SBF2: variants seen among roughly 807,000 people sequenced by gnomAD.
SBF2 encodes SET binding factor 2.
SBF2 carries 112 observed loss-of-function variants against 225.2 expected under a neutral mutation model. That is an observed-to-expected ratio of 0.50 (90% CI 0.43 to 0.58). SBF2 has a LOEUF of 0.58. SBF2 is among the 20% of genes least tolerant of loss of function. The pLI, the probability that SBF2 is intolerant of heterozygous loss-of-function variation, is 0.00. For missense variants in SBF2, 1,996 were observed against 2,206.2 expected (o/e 0.90, Z 1.91); for synonymous variants, 763 against 773.3 (o/e 0.99, Z 0.22).
At chr11:10,159,193 T>C (rs1282558118) in intron 2 of SBF2, among the ~76,000 whole-genome samples, 2 of 152,202 alleles carry the variant, frequency 1.3e-5, no homozygotes, top group Admixed American at 6.5e-5. Flanking sequence ...TCCTTGTTTG[T>C]TCCTTGGCGT....
chr11:9,892,065 T>G (rs979557441), intron 17 of SBF2, among the ~76,000 whole-genome samples: 1 of 152,216 alleles, frequency 6.6e-6, no homozygotes, highest in African/African-American at 2.4e-5. Flanking sequence ...AATCAAGGTG[T>G]GAAAATAGAG....
intron 6 of SBF2, among the ~76,000 whole-genome samples, chr11:10,004,001 T>G (rs1948083717): frequency 6.6e-6 from 1 of 152,220 alleles, no homozygotes; most frequent in South Asian, 2.1e-4. Context: ...CATGCAAATT[T>G]CCTTAGTCTA....
chr11:10,078,463 G>A (rs1177266996), intron 2 of SBF2, among the ~76,000 whole-genome samples: 4 of 152,166 alleles, frequency 2.6e-5, no homozygotes, highest in African/African-American at 4.8e-5. Context: ...AAAAGGATGA[G>A]TTCATGTCCT....
chr11:9,928,073 C>T (rs1864193009), intron 16 of SBF2, among the ~76,000 whole-genome samples: 1 of 151,888 alleles, frequency 6.6e-6, no homozygotes, highest in African/African-American at 2.4e-5. Context: ...GATATGATAC[C>T]AAGTGCATAT....
intron 7 of SBF2, 135 bp from the exon 8 acceptor site, chr11:10,001,157 C>A (rs1290788056): frequency 4.9e-6 from 3 of 615,728 alleles, no homozygotes; most frequent in African/African-American, 3.7e-5. Context: ...CTTTTTAATA[C>A]TAAAATTTTG....
rs146093363 is a variant in SBF2, at chr11:10,147,513, G to A, written c.141+46389C>T. ...TGTTCTCACTTTGAGGGAGCTAAACGATGAGAACCTATGGGCAAAAAGAGG... is the reference window on the plus strand; with the variant it reads ...TGTTCTCACTTTGAGGGAGCTAAACAATGAGAACCTATGGGCAAAAAGAGG... On this transcript the variant is annotated intron_variant, in intron 2 of 39. Transcript: ENST00000256190. Among the ~76,000 whole-genome samples, 7 of 152,120 alleles carry A rather than the reference G, an allele frequency of 4.6e-5. No homozygotes were observed. In the East Asian group the frequency reaches 1.2e-3, roughly 25 times the overall value.
chr11:10,130,931 A>G (rs1477229269), intron 2 of SBF2, among the ~76,000 whole-genome samples: 1 of 151,866 alleles, frequency 6.6e-6, no homozygotes, highest in Non-Finnish European at 1.5e-5. Flanking sequence ...CAGTTTAATC[A>G]CTCCTACTAT....
At chr11:9,923,058 T>C (rs1196380125) in intron 16 of SBF2, among the ~76,000 whole-genome samples, 1 of 152,184 alleles carries the variant, frequency 6.6e-6, no homozygotes, top group African/African-American at 2.4e-5. Flanking sequence ...GACAGAGTAC[T>C]GAAGCAAGTC....
chr11:9,841,530 G>A (rs1173215807), intron 25 of SBF2, among the ~76,000 whole-genome samples: 1 of 81,430 alleles, frequency 1.2e-5, no homozygotes, highest in African/African-American at 4.3e-5. Flanking sequence ...AAACCACATA[G>A]GTTCTTTTTT....
chr11:10,226,899 C>T (rs573626333), intron 1 of SBF2, among the ~76,000 whole-genome samples: 26 of 152,200 alleles, frequency 1.7e-4, no homozygotes, highest in African/African-American at 5.3e-4. Context: ...CCTGAGGAAT[C>T]GCTGACTTCC....
chr11:9,830,546 C>G (rs1203410597), intron 27 of SBF2, among the ~76,000 whole-genome samples: 1 of 151,956 alleles, frequency 6.6e-6, no homozygotes, highest in African/African-American at 2.4e-5. Context: ...TCGAGACCAG[C>G]CTGACTAACA....
chr11:9,983,331 G>C (rs1304419825), intron 13 of SBF2, among the ~76,000 whole-genome samples: 1 of 152,078 alleles, frequency 6.6e-6, no homozygotes, highest in Non-Finnish European at 1.5e-5. Flanking sequence ...CTGACAACTT[G>C]CATGACTCAG....
chr11:10,071,586 G>A (rs1004303550), intron 2 of SBF2, among the ~76,000 whole-genome samples: 6 of 152,112 alleles, frequency 3.9e-5, no homozygotes, highest in African/African-American at 1.4e-4. Flanking sequence ...TTTTCAAAGG[G>A]AATGCTTCCA....
chr11:9,999,661 A>C (rs1211761603), intron 8 of SBF2, among the ~76,000 whole-genome samples: 1 of 152,182 alleles, frequency 6.6e-6, no homozygotes, highest in Non-Finnish European at 1.5e-5. Flanking sequence ...AAAATTATGT[A>C]CAAACCAGGT....
intron 2 of SBF2, among the ~76,000 whole-genome samples, chr11:10,054,145 A>G (rs912982512): frequency 2.0e-5 from 3 of 152,202 alleles, no homozygotes; most frequent in African/African-American, 7.2e-5. Flanking sequence ...TGGGTCACCT[A>G]TATTGCTTTT....
chr11:10,021,627 G>A (rs1344001696), intron 6 of SBF2, among the ~76,000 whole-genome samples: 1 of 152,004 alleles, frequency 6.6e-6, no homozygotes, highest in Admixed American at 6.6e-5. Flanking sequence ...ACAATTCTTA[G>A]AGAGAAGAAC....
intron 14 of SBF2, among the ~76,000 whole-genome samples, chr11:9,967,436 T>C (rs977520331): frequency 2.0e-5 from 3 of 151,658 alleles, no homozygotes; most frequent in Non-Finnish European, 2.9e-5. Context: ...ATTGGAAATA[T>C]TATGCTAAAT....
chr11:10,294,742 C>T (rs531195226), upstream of SBF2, among the ~76,000 whole-genome samples: 89 of 152,354 alleles, frequency 5.8e-4, no homozygotes, highest in African/African-American at 2.1e-3. Context: ...CCTCGGGTTT[C>T]AATGCCGGGT....
At chr11:10,102,650 A>G (rs1952359271) in intron 2 of SBF2, among the ~76,000 whole-genome samples, 1 of 152,146 alleles carries the variant, frequency 6.6e-6, no homozygotes, top group Non-Finnish European at 1.5e-5. Flanking sequence ...TGATCCTGTA[A>G]AAAAAGTTCT....
Sources: gnomAD v4.1 joint callset for allele counts (sites outside exome capture counted in the v4.1 genomes callset) on GRCh38, gnomAD v4.1.1 for gene constraint, MANE v1.5 for transcripts, NCBI Gene and HGNC (gene_info 2026-07-23, HGNC 2026-07-21) for gene names.